The following MIR2052HG variants were observed in gnomAD, a reference collection of about 807,000 sequenced individuals.
MIR2052HG encodes the protein MIR2052 host gene.
In MIR2052HG at chr8:74,664,212, C is replaced by A. The variant is rs111278775; in HGVS notation, n.217-38167C>A. 7.7e-3 allele frequency among the ~76,000 whole-genome samples: 1,164 copies of A among 150,682 alleles called. 5 individuals carry two copies. The highest frequency in any genetic ancestry group is 0.021 in the East Asian group (110 of 5,140). On this transcript the variant is annotated intron_variant and non_coding_transcript_variant, in intron 2 of 6. Coordinates refer to ENST00000523442, the Ensembl canonical transcript of MIR2052HG. The stretch of plus-strand genomic sequence containing the variant: ...ACTCAGATGACAAGTGCACTAAAAT[C>A]TCAGAATTCACCACTATTGTCCATG...
At chr8:74,720,092 C>G (rs935033206) in intron 4 of MIR2052HG, among the ~76,000 whole-genome samples, 1 of 152,050 alleles carries the variant, frequency 6.6e-6, no homozygotes, top group Non-Finnish European at 1.5e-5. Flanking sequence ...CCTCATGATC[C>G]CCCGCCTCGG....
chr8:74,720,840 G>C (rs1809570283), intron 4 of MIR2052HG, among the ~76,000 whole-genome samples: 1 of 152,110 alleles, frequency 6.6e-6, no homozygotes, highest in African/African-American at 2.4e-5. Flanking sequence ...ATCTTACATG[G>C]TGGTAGGAGA....
At position 74,752,614 on chromosome 8, in the gene MIR2052HG, T is replaced by C. The variant is rs73687272; in HGVS notation, n.464+81T>C. On this transcript the variant is annotated intron_variant and non_coding_transcript_variant, in intron 5 of 6. Coordinates refer to ENST00000523442, the Ensembl canonical transcript of MIR2052HG. ...ACTGTGGTTAAACTGCCTTAGCCAT[T>C]CAAGAAGCATTTGATTGTATCTTTG... The C allele has an allele frequency of 8.8e-3, 3,304 of 376,464 alleles. 92 individuals carry two copies. Among genetic ancestry groups the C allele is most frequent in the African/African-American group, 0.065 (3,013 of 46,216 alleles). 23.3% of individuals were successfully genotyped at this position (376,464 alleles called of 1,614,324 possible).
chr8:74,604,135 T>C, intron 1 of MIR2052HG: 1 of 893,014 alleles, frequency 1.1e-6, no homozygotes, highest in Admixed American at 1.7e-5. Context: ...GCGCATCTTC[T>C]TAACTGATTC....
At chr8:74,620,440 C>T (rs999466939) in intron 2 of MIR2052HG, among the ~76,000 whole-genome samples, 2 of 152,220 alleles carry the variant, frequency 1.3e-5, no homozygotes, top group African/African-American at 4.8e-5. Flanking sequence ...CATGAGGGCT[C>T]TGCCCCTGCA....
chr8:74,737,006 A>G (rs1281498083), intron 4 of MIR2052HG, among the ~76,000 whole-genome samples: 1 of 152,210 alleles, frequency 6.6e-6, no homozygotes, highest in Non-Finnish European at 1.5e-5. Context: ...TTCCACGCCT[A>G]AGTAACAAAA....
intron 4 of MIR2052HG, among the ~76,000 whole-genome samples, chr8:74,740,535 A>T (rs952293828): frequency 6.6e-6 from 1 of 152,236 alleles, no homozygotes; most frequent in Non-Finnish European, 1.5e-5. Flanking sequence ...AATAGGTAAT[A>T]TATGGATCCT....
intron 2 of MIR2052HG, among the ~76,000 whole-genome samples, chr8:74,687,310 G>A (rs1809192699): frequency 6.6e-6 from 1 of 151,962 alleles, no homozygotes; most frequent in Admixed American, 6.6e-5. Flanking sequence ...AATTTAAAAG[G>A]AACTACCATA....
chr8:74,742,440 T>A (rs1230852593), intron 4 of MIR2052HG, among the ~76,000 whole-genome samples: 1 of 152,198 alleles, frequency 6.6e-6, no homozygotes, highest in East Asian at 1.9e-4. Context: ...TTTGTTCATA[T>A]TTAAAAATAG....
At chr8:74,717,137 T>C (rs2128742180) in intron 4 of MIR2052HG, among the ~76,000 whole-genome samples, 1 of 152,260 alleles carries the variant, frequency 6.6e-6, no homozygotes, top group East Asian at 1.9e-4. Flanking sequence ...TAGGTATTTG[T>C]CCTAATGCTC....
chr8:74,699,414 G>GTA (rs1563534595), intron 2 of MIR2052HG, among the ~76,000 whole-genome samples: 2 of 108,664 alleles, frequency 1.8e-5, no homozygotes, highest in African/African-American at 8.3e-5. Context: ...GTGTGTGTGT[G>GTA]TGTATATATA....
At chr8:74,634,609 G>A (rs1808558400) in intron 2 of MIR2052HG, among the ~76,000 whole-genome samples, 1 of 151,926 alleles carries the variant, frequency 6.6e-6, no homozygotes, top group South Asian at 2.1e-4. Context: ...AGTCCCCTTG[G>A]GGACTTATAT....
At chr8:74,699,608 T>C (rs988566036) in intron 2 of MIR2052HG, among the ~76,000 whole-genome samples, 2 of 151,972 alleles carry the variant, frequency 1.3e-5, no homozygotes, top group African/African-American at 4.8e-5. Flanking sequence ...GGTGTAAGAA[T>C]GATACAAAGG....
intron 4 of MIR2052HG, among the ~76,000 whole-genome samples, chr8:74,718,375 T>C (rs757213151): frequency 3.3e-5 from 5 of 152,132 alleles, no homozygotes; most frequent in Non-Finnish European, 7.4e-5. Flanking sequence ...CAGCTGTGTG[T>C]GTCGGGGGTC....
intron 2 of MIR2052HG, among the ~76,000 whole-genome samples, chr8:74,637,568 G>GT (rs1000550648): frequency 1.1e-4 from 17 of 152,270 alleles, no homozygotes; most frequent in South Asian, 4.1e-4. Context: ...ATAACGTGGA[G>GT]TTTTTAAAGG....
intron 2 of MIR2052HG, among the ~76,000 whole-genome samples, chr8:74,630,011 G>A (rs527325914): frequency 6.6e-6 from 1 of 152,252 alleles, no homozygotes; most frequent in East Asian, 1.9e-4. Context: ...ACTGAAGAAG[G>A]AGAAAACATA....
chr8:74,757,025 G>A (rs1286279082), intron 5 of MIR2052HG: 1 of 152,252 alleles, frequency 6.6e-6, no homozygotes, highest in African/African-American at 2.4e-5. Flanking sequence ...GAATGAGATG[G>A]GTAGCTATGG....
intron 2 of MIR2052HG, among the ~76,000 whole-genome samples, chr8:74,690,557 A>G (rs1809229135): frequency 6.6e-6 from 1 of 152,108 alleles, no homozygotes; most frequent in South Asian, 2.1e-4. Context: ...CTGAGGCAGG[A>G]GAATGGCATG....
At chr8:74,623,041 A>G (rs1305611219) in intron 2 of MIR2052HG, among the ~76,000 whole-genome samples, 1 of 152,184 alleles carries the variant, frequency 6.6e-6, no homozygotes, top group Non-Finnish European at 1.5e-5. Context: ...AATTTCAGTA[A>G]GACAGGAAGA....
Sources: gnomAD v4.1 joint callset for allele counts (sites outside exome capture counted in the v4.1 genomes callset) on GRCh38, gnomAD v4.1.1 for gene constraint, MANE v1.5 for transcripts, NCBI Gene and HGNC (gene_info 2026-07-23, HGNC 2026-07-21) for gene names.